LGMN: variants seen among roughly 807,000 people sequenced by gnomAD.
LGMN encodes legumain.
Under a neutral mutation model 56.8 loss-of-function variants are expected in LGMN, and 36 were observed. That is an observed-to-expected ratio of 0.63 (90% CI 0.49 to 0.84). The LOEUF (loss-of-function observed/expected upper bound fraction) is 0.84, where lower values mean the gene tolerates loss of function less well. Ranked by LOEUF, LGMN falls within the 40% of genes least tolerant of loss-of-function variation. The pLI is 0.00. For synonymous variants in LGMN, 199 were observed against 210.1 expected, an observed-to-expected ratio of 0.95 and a Z score of 0.46; for missense variants, 446 against 556.1, an observed-to-expected ratio of 0.80 and a Z score of 1.99.
At chr14:92,734,302 A>G (rs1464950409) in intron 1 of LGMN, among the ~76,000 whole-genome samples, 1 of 152,232 alleles carries the variant, frequency 6.6e-6, no homozygotes, top group East Asian at 1.9e-4. Flanking sequence ...TCTTTCTGCT[A>G]TATGGCTCTC....
intron 4 of LGMN, among the ~76,000 whole-genome samples, 155 bp downstream of exon 4, chr14:92,717,225 A>G (rs549816002): frequency 6.6e-6 from 1 of 152,310 alleles, no homozygotes; most frequent in East Asian, 1.9e-4. Context: ...AAACTCTCAT[A>G]ATTTACTCCT....
intron 1 of LGMN, 62 bp from the exon 2 acceptor site, chr14:92,732,877 G>T: frequency 1.5e-6 from 2 of 1,370,092 alleles, no homozygotes; most frequent in Non-Finnish European, 2.0e-6. Flanking sequence ...TTGGCTGGGC[G>T]CGGTGGCTCA....
rs576294595 is a variant in LGMN, at chr14:92,743,933, A to C, written c.-30+4556T>G. Among the ~76,000 whole-genome samples the C allele has an allele frequency of 1.9e-4, 29 of 152,172 alleles. No homozygotes were observed. In the South Asian group the frequency reaches 4.8e-3, roughly 25 times the overall value. On this transcript the variant is annotated intron_variant, in intron 1 of 13. Coordinates refer to ENST00000334869, the MANE Select transcript of LGMN (RefSeq NM_005606.7). ...CACTTGGAAAGGTTGAGGTGGGCGG[A>C]TTACAAGGTCAAGAGATCAATACCA...
intron 2 of LGMN, among the ~76,000 whole-genome samples, chr14:92,729,332 C>T (rs1035176823): frequency 2.4e-4 from 36 of 151,274 alleles, no homozygotes; most frequent in Admixed American, 9.9e-4. Flanking sequence ...CATGCAACCC[C>T]CCACCTCACT....
intron 2 of LGMN, among the ~76,000 whole-genome samples, chr14:92,727,128 C>T (rs1890780168): frequency 6.6e-6 from 1 of 152,054 alleles, no homozygotes; most frequent in South Asian, 2.1e-4. Context: ...ACTATGATGA[C>T]AGAGTAGCAA....
intron 1 of LGMN, among the ~76,000 whole-genome samples, chr14:92,743,702 G>A (rs1295014130): frequency 6.6e-6 from 1 of 151,804 alleles, no homozygotes; most frequent in Non-Finnish European, 1.5e-5. Flanking sequence ...TCGGGAGGCT[G>A]AGACATGAGA....
At chr14:92,729,027 AC>A (rs1202600391) in intron 2 of LGMN, among the ~76,000 whole-genome samples, 2 of 150,128 alleles carry the variant, frequency 1.3e-5, no homozygotes, top group Admixed American at 1.3e-4. Flanking sequence ...CATCGCCAGC[AC>A]CCTGAACGGC....
intron 7 of LGMN, 129 bp downstream of exon 7, chr14:92,713,694 T>C: frequency 1.4e-6 from 1 of 724,596 alleles, no homozygotes. Context: ...AAACCAGGGA[T>C]TGGAAGGATC....
chr14:92,719,286 C>T (rs1236519458), intron 2 of LGMN, among the ~76,000 whole-genome samples: 2 of 92,378 alleles, frequency 2.2e-5, no homozygotes, highest in Admixed American at 1.0e-4. Context: ...CCACCGCCGC[C>T]GCCGCCGCCG....
At position 92,703,955 on chromosome 14, in the gene LGMN, T is replaced by G; in HGVS notation, c.*364A>C. 1.7e-6 allele frequency: 1 copy of G among 580,860 alleles called. No homozygotes were observed. 36.0% of individuals were successfully genotyped at this position (580,860 alleles called of 1,614,324 possible). A position where few individuals can be genotyped will look rare whatever the true frequency, so the allele number is the denominator to read the frequency against. On this transcript the variant is annotated 3_prime_UTR_variant, in exon 14 of 14. Transcript: ENST00000334869. ...CTTCAATAAAATCATTCTGAAGATTTAAAGAGGTTTCAGCTTCAAATTCTC... is the reference window on the plus strand; with the variant it reads ...CTTCAATAAAATCATTCTGAAGATTGAAAGAGGTTTCAGCTTCAAATTCTC...
In LGMN at chr14:92,709,875, G is replaced by A; in HGVS notation, c.820-3C>T. The stretch of plus-strand genomic sequence containing the variant: ...ATCACTTTCATGGTGGAGATTGTCT[G>A]GGGAGACAGACAGCAAGAGAGAGCG... On this transcript the variant is annotated splice_region_variant and splice_polypyrimidine_tract_variant and intron_variant, in intron 10 of 13. Transcript: ENST00000334869. 1 of 1,597,376 alleles carries A rather than the reference G, an allele frequency of 6.3e-7. No homozygotes were observed. Among genetic ancestry groups the A allele is most frequent in the Non-Finnish European group, 8.5e-7 (1 of 1,170,020 alleles).
intron 8 of LGMN, 44 bp from the exon 9 acceptor site, chr14:92,711,999 G>C: frequency 7.0e-7 from 1 of 1,421,482 alleles, no homozygotes; most frequent in Admixed American, 1.7e-5. Flanking sequence ...TTTTATTCCT[G>C]CCTTGGATTA....
Position 92,715,214 on chromosome 14 carries a change from G to GGTGTGTGTGTGT in LGMN, c.405-775_405-764dup, listed in dbSNP as rs145432785. 2.7e-3 allele frequency among the ~76,000 whole-genome samples: 400 copies of GGTGTGTGTGTGT among 149,028 alleles called. 2 individuals carry two copies. Among genetic ancestry groups the GGTGTGTGTGTGT allele is most frequent in the African/African-American group, 9.4e-3 (379 of 40,512 alleles). On this transcript the variant is annotated intron_variant, in intron 5 of 13. Transcript: ENST00000334869. The stretch of plus-strand genomic sequence containing the variant: ...GGGATTCACACTGTTGGTCAGGGTG[G>GGTGTGTGTGTGT]GTGTGTGTGTGTGTGTGTGTTTGAG...
intron 7 of LGMN, among the ~76,000 whole-genome samples, chr14:92,713,518 G>A (rs1050656224): frequency 6.6e-6 from 1 of 152,206 alleles, no homozygotes; most frequent in Non-Finnish European, 1.5e-5. Context: ...TCTGCAAAGT[G>A]TGGGCCGAAG....
At chr14:92,711,055 C>T (rs3783933) in intron 10 of LGMN, among the ~76,000 whole-genome samples, 40,454 of 152,140 alleles carry the variant, frequency 0.27, 6,000 homozygotes, top group East Asian at 0.53. Context: ...ACATTTGTTA[C>T]GGTGTTTGCA....
At chr14:92,729,300 C>A (rs906950641) in intron 2 of LGMN, among the ~76,000 whole-genome samples, 1 of 151,546 alleles carries the variant, frequency 6.6e-6, no homozygotes, top group Non-Finnish European at 1.5e-5. Flanking sequence ...TCATGCTTGG[C>A]TGCTCCCTTC....
At chr14:92,710,805 G>A (rs1449528794) in intron 10 of LGMN, among the ~76,000 whole-genome samples, 3 of 152,122 alleles carry the variant, frequency 2.0e-5, no homozygotes, top group Admixed American at 6.5e-5. Context: ...TTCCCTGGCC[G>A]TCCCTCTGCT....
At chr14:92,730,218 A>G (rs572103178) in intron 2 of LGMN, among the ~76,000 whole-genome samples, 86 of 152,286 alleles carry the variant, frequency 5.6e-4, no homozygotes, top group Admixed American at 3.1e-3. Flanking sequence ...TCCTCTTTAC[A>G]TGGGTCAGGT....
In LGMN at chr14:92,714,994, ATTTT is replaced by A. The variant is rs780256263; in HGVS notation, c.405-547_405-544del. On this transcript the variant is annotated intron_variant, in intron 5 of 13. Coordinates refer to ENST00000334869, the MANE Select transcript of LGMN (RefSeq NM_005606.7). This position sits in a 1 kb window ranked among gnomAD's most constrained non-coding sequence, Gnocchi z 5.1. ...CTCACAGATGTCCATCTCCATACTA[ATTTT>A]TTTTTTTTTTTTTTTTTTGAGATGG... 2.4e-5 allele frequency among the ~76,000 whole-genome samples: 3 copies of A among 127,388 alleles called. No individual in the cohort carries two copies. The highest frequency in any genetic ancestry group is 7.8e-5 in the Admixed American group (1 of 12,894). 83.6% of individuals were successfully genotyped at this position (127,388 alleles called of 152,430 possible).
Sources: gnomAD v4.1 joint callset for allele counts (sites outside exome capture counted in the v4.1 genomes callset) on GRCh38, gnomAD v4.1.1 for gene constraint, Gnocchi (gnomAD v3.1) non-coding constraint, MANE v1.5 for transcripts, NCBI Gene and HGNC (gene_info 2026-07-23, HGNC 2026-07-21) for gene names.